The following LHFPL6 variants were observed in gnomAD, a reference collection of about 807,000 sequenced individuals.
The protein encoded by LHFPL6 is LHFPL tetraspan subfamily member 6 protein.
LHFPL6 carries 9 observed loss-of-function variants against 20.6 expected under a neutral mutation model. The observed-to-expected ratio is 0.44, with a 90% CI of 0.26 to 0.76. LHFPL6 has a LOEUF of 0.76. Ranked by LOEUF, LHFPL6 falls within the 30% of genes least tolerant of loss-of-function variation. The pLI is 0.20. For missense variants in LHFPL6, 218 were observed against 253.5 expected, an observed-to-expected ratio of 0.86 and a Z score of 0.95; for synonymous variants, 105 against 98.7, an observed-to-expected ratio of 1.06 and a Z score of -0.38.
intron 2 of LHFPL6, among the ~76,000 whole-genome samples, chr13:39,437,856 T>C (rs638235): frequency 0.95 from 143,040 of 151,034 alleles, 68,229 homozygotes; most frequent in East Asian, 1. Context: ...GAGCTGGGAT[T>C]GCGCCACTGC....
At chr13:39,553,501 C>T (rs189922262) in intron 2 of LHFPL6, among the ~76,000 whole-genome samples, 2 of 152,242 alleles carry the variant, frequency 1.3e-5, no homozygotes, top group East Asian at 3.9e-4. Context: ...CCCTTGAGCT[C>T]AGGAGTTCAA....
At chr13:39,373,348 G>A (rs535732237) in intron 3 of LHFPL6, among the ~76,000 whole-genome samples, 1 of 152,132 alleles carries the variant, frequency 6.6e-6, no homozygotes, top group South Asian at 2.1e-4. Context: ...CAGAGGGGGT[G>A]AGCCAGGAAT....
intron 2 of LHFPL6, among the ~76,000 whole-genome samples, chr13:39,417,171 C>A (rs1386639283): frequency 6.6e-6 from 1 of 152,172 alleles, no homozygotes; most frequent in Non-Finnish European, 1.5e-5. Context: ...CTGCCTTATT[C>A]ATATCCCTCT....
intron 2 of LHFPL6, among the ~76,000 whole-genome samples, chr13:39,426,544 T>C (rs906140429): frequency 6.6e-6 from 1 of 152,144 alleles, no homozygotes; most frequent in African/African-American, 2.4e-5. Flanking sequence ...TTCTATAAAT[T>C]TGCCTATTCT....
intron 2 of LHFPL6, among the ~76,000 whole-genome samples, chr13:39,449,288 A>AAC (rs1199555152): frequency 1.3e-5 from 2 of 152,238 alleles, no homozygotes; most frequent in African/African-American, 4.8e-5. Context: ...CCAAAGAATT[A>AAC]ACACCTGATT....
At chr13:39,574,249 G>A (rs1055819580) in intron 2 of LHFPL6, among the ~76,000 whole-genome samples, 10 of 152,146 alleles carry the variant, frequency 6.6e-5, no homozygotes, top group South Asian at 2.1e-4. Context: ...TTGGGAGGCC[G>A]AGGCGGGCGG....
chr13:39,479,941 G>A (rs1868447728), intron 2 of LHFPL6, among the ~76,000 whole-genome samples: 1 of 152,162 alleles, frequency 6.6e-6, no homozygotes, highest in Admixed American at 6.5e-5. Context: ...ACCTGAGTCT[G>A]AGCATGTTTA....
At chr13:39,444,612 G>A (rs1197967645) in intron 2 of LHFPL6, among the ~76,000 whole-genome samples, 1 of 152,178 alleles carries the variant, frequency 6.6e-6, no homozygotes, top group African/African-American at 2.4e-5. Flanking sequence ...CATGGTTCAA[G>A]TGAGCTGAGG....
At chr13:39,443,662 G>GT (rs1285617441) in intron 2 of LHFPL6, among the ~76,000 whole-genome samples, 1 of 152,002 alleles carries the variant, frequency 6.6e-6, no homozygotes, top group African/African-American at 2.4e-5. Context: ...AATATGGAGT[G>GT]TAAGGGCCAT....
chr13:39,388,630 G>A (rs571745018), intron 2 of LHFPL6, among the ~76,000 whole-genome samples: 1 of 152,236 alleles, frequency 6.6e-6, no homozygotes, highest in South Asian at 2.1e-4. Context: ...GTAACACCTT[G>A]AACATTTATT....
chr13:39,590,014 T>A (rs946254251), intron 2 of LHFPL6, among the ~76,000 whole-genome samples: 1 of 152,208 alleles, frequency 6.6e-6, no homozygotes. Context: ...GACTTATTCA[T>A]GGTGAACAAA....
intron 3 of LHFPL6, among the ~76,000 whole-genome samples, chr13:39,345,821 C>G (rs1213275358): frequency 1.3e-5 from 2 of 152,150 alleles, no homozygotes; most frequent in Non-Finnish European, 2.9e-5. Context: ...TAAAAGCTTG[C>G]TATGTAAAGG....
intron 2 of LHFPL6, among the ~76,000 whole-genome samples, chr13:39,387,450 G>A (rs1011984815): frequency 1.3e-5 from 2 of 150,480 alleles, no homozygotes; most frequent in African/African-American, 4.9e-5. Flanking sequence ...AGGAAGCTGA[G>A]GCAGGAGAAT....
intron 2 of LHFPL6, among the ~76,000 whole-genome samples, chr13:39,568,021 C>G (rs979660555): frequency 3.3e-5 from 5 of 152,322 alleles, no homozygotes; most frequent in African/African-American, 7.2e-5. Context: ...TATCTCTTTC[C>G]ACTACAGGAA....
intron 2 of LHFPL6, among the ~76,000 whole-genome samples, chr13:39,502,939 T>C (rs909819550): frequency 6.6e-6 from 1 of 152,152 alleles, no homozygotes; most frequent in Non-Finnish European, 1.5e-5. Flanking sequence ...GTCACCCAGG[T>C]TTGAGGGCAG....
intron 2 of LHFPL6, among the ~76,000 whole-genome samples, chr13:39,539,278 G>GTCTTTT (rs1363612464): frequency 6.6e-6 from 1 of 151,876 alleles, no homozygotes; most frequent in African/African-American, 2.4e-5. Context: ...TGCACAGCTA[G>GTCTTTT]TCTTTTCTCT....
At chr13:39,468,272 T>A (rs925618174) in intron 2 of LHFPL6, among the ~76,000 whole-genome samples, 1 of 152,226 alleles carries the variant, frequency 6.6e-6, no homozygotes, top group Non-Finnish European at 1.5e-5. Context: ...ATTACTTCTT[T>A]ATTCTTACTT....
intron 2 of LHFPL6, among the ~76,000 whole-genome samples, chr13:39,508,317 C>G (rs1353621728): frequency 6.6e-6 from 1 of 152,064 alleles, no homozygotes; most frequent in Non-Finnish European, 1.5e-5. Flanking sequence ...GAGCCACTGC[C>G]CCAGGCCATA....
intron 2 of LHFPL6, among the ~76,000 whole-genome samples, chr13:39,580,500 A>G (rs1263092638): frequency 1.3e-5 from 2 of 152,220 alleles, no homozygotes; most frequent in African/African-American, 2.4e-5. Flanking sequence ...GTAGATGAAA[A>G]TAGAACCAAA....
Sources: allele counts gnomAD v4.1 joint callset (sites outside exome capture counted in the v4.1 genomes callset), GRCh38; gene constraint gnomAD v4.1.1; transcripts MANE v1.5; gene names NCBI Gene and HGNC (gene_info 2026-07-23, HGNC 2026-07-21).